PDZD7: variants seen among roughly 807,000 people sequenced by gnomAD.
The protein encoded by PDZD7 is PDZ domain-containing protein 7.
A neutral mutation model predicts 84.7 loss-of-function variants in PDZD7; 72 were observed. The observed-to-expected ratio is 0.85, with a 90% CI of 0.70 to 1.03. The LOEUF (loss-of-function observed/expected upper bound fraction) is 1.03, where lower values mean the gene tolerates loss of function less well. Ranked by LOEUF, PDZD7 falls within the 50% of genes least tolerant of loss-of-function variation. PDZD7 has a pLI of 0.00. For synonymous variants in PDZD7, 594 were observed against 580.7 expected (o/e 1.02, Z -0.33); for missense variants, 1,490 against 1,412.9 (o/e 1.05, Z -0.87).
At chr10:101,020,152 C>A (rs1296141072) in intron 7 of PDZD7, among the ~76,000 whole-genome samples, 1 of 151,806 alleles carries the variant, frequency 6.6e-6, no homozygotes, top group East Asian at 1.9e-4. Context: ...CTCTTATTGC[C>A]CAGGCTGGAG....
rs749028017 is a variant in PDZD7 at position 101,019,106 on chromosome 10, A to G, written c.1040T>C (p.Met347Thr). 4 of 1,557,382 alleles carry G rather than the reference A, an allele frequency of 2.6e-6. No individual in the cohort carries two copies. The South Asian group carries it at 3.5e-5, about 14-fold the overall frequency. The part of the protein sequence containing the change: ...YSSGSLPSDR[M>T]DICLGQEEPG... Reference sequence around the variant, plus strand: ...CTCCTCCTGCCCGAGGCAGATGTCCATGCGGTCCGACGGCAGGGAGCCCGA... The same window carrying G: ...CTCCTCCTGCCCGAGGCAGATGTCCGTGCGGTCCGACGGCAGGGAGCCCGA... Residue 347 changes from methionine to threonine, a missense_variant, in exon 8 of 17, where the codon ATG (methionine) becomes ACG (threonine). Coordinates refer to ENST00000619208, the MANE Select transcript of PDZD7 (RefSeq NM_001195263.2).
At chr10:101,020,158 T>C (rs1846534250) in intron 7 of PDZD7, among the ~76,000 whole-genome samples, 1 of 152,072 alleles carries the variant, frequency 6.6e-6, no homozygotes, top group African/African-American at 2.4e-5. Flanking sequence ...TTGCCCAGGC[T>C]GGAGTGCAAT....
At position 101,015,732 on chromosome 10, in the gene PDZD7, A is replaced by T. The variant is rs773008252; in HGVS notation, c.1653T>A (p.Val551=). The change falls in exon 11 of 17, where the codon GTT becomes GTA. Residue 551 remains valine, a synonymous_variant. Coordinates refer to ENST00000619208, the MANE Select transcript of PDZD7 (RefSeq NM_001195263.2). ...GGGGCCGCCGGCTCTCCCAGGCCTG[A>T]ACCTGCTCATCCACATTAGGCAGCT... ...SSQLPNVDEQ[V]QAWESRRPLI... The T allele has an allele frequency of 1.3e-6, 2 of 1,550,226 alleles. No homozygotes were observed. The highest frequency in any genetic ancestry group is 1.7e-6 in the Non-Finnish European group (2 of 1,146,958).
chr10:101,022,113 G>A (rs2134087173), intron 5 of PDZD7, 96 bp downstream of exon 5: 1 of 1,580,586 alleles, frequency 6.3e-7, no homozygotes, highest in East Asian at 2.3e-5. Flanking sequence ...GGTTGGCCAG[G>A]CCTCACTTGC....
rs148695069 is a variant in PDZD7 at position 101,023,988 on chromosome 10, C to T, written c.307G>A (p.Gly103Arg). Residue 103 changes from glycine to arginine, a missense_variant, in exon 3 of 17, where the codon GGG becomes AGG. Physicochemically the swap from Gly to Arg is moderately radical, Grantham distance 125. Coordinates refer to ENST00000619208, the MANE Select transcript of PDZD7 (RefSeq NM_001195263.2). ...PAGRLGFSVR[G>R]GSEHGLGIFV... is the part of the protein sequence containing the mutation. The stretch of plus-strand genomic sequence containing the variant: ...ATGCCCAGGCCATGCTCTGAGCCCC[C>T]GCGCACGCTGAAGCCCAGCCTCCCT... 1.6e-5 allele frequency: 26 copies of T among 1,614,268 alleles called. No individual in the cohort carries two copies. Among genetic ancestry groups the T allele is most frequent in the African/African-American group, 9.3e-5 (7 of 75,076 alleles).
intron 2 of PDZD7, among the ~76,000 whole-genome samples, chr10:101,024,411 A>G (rs908539651): frequency 2.0e-5 from 3 of 151,898 alleles, no homozygotes; most frequent in Non-Finnish European, 4.4e-5. Context: ...GCCTGGATTA[A>G]TTTTAAATTT....
rs529325023 is a variant in PDZD7 at position 101,029,846 on chromosome 10, T to C, written c.226+148A>G. The C allele has an allele frequency of 7.7e-6, 6 of 781,324 alleles. No homozygotes were observed. In the East Asian group the frequency reaches 1.6e-4, roughly 21 times the overall value. The allele number at this position is 781,324 out of a possible 1,614,324, so 48.4% of individuals were successfully genotyped here. On this transcript the variant is annotated intron_variant, in intron 2 of 16. Transcript: ENST00000619208. ...CCAAGGGCAGGTGAGGAAGAGTGTA[T>C]GGGTTCCCAGGCGGCCTGCCACCTC...
intron 4 of PDZD7, among the ~76,000 whole-genome samples, chr10:101,022,733 C>T (rs1853189518): frequency 1.3e-5 from 2 of 151,920 alleles, no homozygotes; most frequent in Non-Finnish European, 2.9e-5. Context: ...ATGGCTGGGA[C>T]TACAGGTACA....
chr10:101,008,634 G>A lies in PDZD7; in HGVS notation c.2935C>T (p.Pro979Ser), dbSNP rs1261532218. Reference protein sequence around the residue: ...LPADHLPAHQPLDAAPVPAHW... With the variant: ...LPADHLPAHQSLDAAPVPAHW... The stretch of plus-strand genomic sequence containing the variant: ...GCAGGAACTGGAGCAGCATCAAGGG[G>A]TTGGTGGGCAGGCAAGTGGTCAGCA... The change falls in exon 17 of 17, where the codon CCC (proline) becomes TCC (serine). Residue 979 changes from proline to serine, a missense_variant. Transcript: ENST00000619208. 2.0e-6 allele frequency: 3 copies of A among 1,535,786 alleles called. No individual in the cohort carries two copies. Among genetic ancestry groups the A allele is most frequent in the Non-Finnish European group, 2.6e-6 (3 of 1,146,696 alleles).
rs1564628190 is a variant in PDZD7 at position 101,011,737 on chromosome 10, G to T, written c.1958C>A (p.Ala653Asp). The T allele has an allele frequency of 5.2e-6, 8 of 1,546,984 alleles. No homozygotes were observed. In the Admixed American group the frequency reaches 7.8e-5, roughly 15 times the overall value. ...ACGCTTGGGTGGCGTGTCCTGCCGG[G>T]CTGGTCTCAAAGCAGGAGGCCGGAC... ...RAVRPPALRP[A>D]RQDTPPKRHL... The change falls in exon 14 of 17, where the codon GCC (alanine) becomes GAC (aspartate). Residue 653 changes from alanine (A) to aspartate (D), a missense_variant. Physicochemically the swap from Ala to Asp is moderately radical, Grantham distance 126. Transcript: ENST00000619208.
Position 101,015,040 on chromosome 10 carries a change from ACT to A in PDZD7, c.1749+594_1749+595del, listed in dbSNP as rs975413413. 4.6e-5 allele frequency among the ~76,000 whole-genome samples: 7 copies of A among 151,988 alleles called. 1 individual carries two copies. The highest frequency in any genetic ancestry group is 6.6e-5 in the Admixed American group (1 of 15,258). Reference sequence around the variant, plus strand: ...GGCCCCAGAGACTCCTTCAAATCTGACTCTCTCTCCACCCTGGGGCGCTCTGG... The same window carrying A: ...GGCCCCAGAGACTCCTTCAAATCTGACTCTCTCCACCCTGGGGCGCTCTGG... On this transcript the variant is annotated intron_variant, in intron 11 of 16. Coordinates refer to ENST00000619208, the MANE Select transcript of PDZD7 (RefSeq NM_001195263.2).
rs761880026 is a variant in PDZD7, at chr10:101,021,854, G to A, written c.811C>T (p.His271Tyr). ...ANGVRFDDISHSQAVEVLKGQ... is the reference protein window; with the variant it reads ...ANGVRFDDISYSQAVEVLKGQ... ...TTCAGCACCTCCACGGCCTGGCTGT[G>A]GCTGATGTCGTCAAACCTGACACCG... The change falls in exon 6 of 17, where the codon CAC becomes TAC. Residue 271 changes from histidine to tyrosine, a missense_variant. His to Tyr is a moderately conservative substitution (Grantham distance 83). Coordinates refer to ENST00000619208, the MANE Select transcript of PDZD7 (RefSeq NM_001195263.2). The A allele has an allele frequency of 1.9e-5, 31 of 1,614,056 alleles. No homozygotes were observed. The highest frequency in any genetic ancestry group is 2.5e-5 in the Non-Finnish European group (30 of 1,180,050).
chr10:101,024,199 G>C, intron 2 of PDZD7, 131 bp from the exon 3 acceptor site: 1 of 1,223,514 alleles, frequency 8.2e-7, no homozygotes, highest in Non-Finnish European at 1.2e-6. Flanking sequence ...GGGCCTAAAT[G>C]CAGTGGGGCA....
At chr10:101,024,859 G>A (rs1488050975) in intron 2 of PDZD7, among the ~76,000 whole-genome samples, 1 of 147,392 alleles carries the variant, frequency 6.8e-6, no homozygotes, top group Non-Finnish European at 1.5e-5. Flanking sequence ...GTGTGTGTGT[G>A]TGTGTATCAG....
intron 4 of PDZD7, chr10:101,023,060 C>G (rs1430529137): frequency 1.1e-5 from 3 of 279,382 alleles, no homozygotes; most frequent in Non-Finnish European, 2.0e-5. Flanking sequence ...GCTTGAGCCA[C>G]CATGCCCGGC....
At chr10:101,027,400 T>A (rs1937784051) in intron 2 of PDZD7, among the ~76,000 whole-genome samples, 1 of 152,164 alleles carries the variant, frequency 6.6e-6, no homozygotes, top group Non-Finnish European at 1.5e-5. Flanking sequence ...CTCGTTCCCC[T>A]CCTGGCTCAG....
rs913091803 is a variant in PDZD7, at chr10:101,010,386, C to T, written c.2503G>A (p.Ala835Thr). The change falls in exon 15 of 17, where the codon GCC becomes ACC. Residue 835 changes from alanine to threonine, a missense_variant. Transcript: ENST00000619208. ...CCACTCTCCGAGGGCCCTTGCTTGGCCCCCACCTTGGCTGCCTCCCCATCC... is the reference window on the plus strand; with the variant it reads ...CCACTCTCCGAGGGCCCTTGCTTGGTCCCCACCTTGGCTGCCTCCCCATCC... ...PLDGEAAKVG[A>T]KQGPSESGTE... is the part of the protein sequence containing the mutation. 10 of 1,536,188 alleles carry T rather than the reference C, an allele frequency of 6.5e-6. No individual in the cohort carries two copies. The highest frequency in any genetic ancestry group is 8.7e-6 in the Non-Finnish European group (10 of 1,146,930).
rs1324839240 is a variant in PDZD7, at chr10:101,019,122, G to A, written c.1024C>T (p.Leu342=). Residue 342 remains leucine (L), a synonymous_variant, in exon 8 of 17, where the codon CTG becomes TTG. Coordinates refer to ENST00000619208, the MANE Select transcript of PDZD7 (RefSeq NM_001195263.2). ...CAGATGTCCATGCGGTCCGACGGCAGGGAGCCCGAGCTGTAGGGGGCGCTG... is the reference window on the plus strand; with the variant it reads ...CAGATGTCCATGCGGTCCGACGGCAAGGAGCCCGAGCTGTAGGGGGCGCTG... ...ASSAPYSSGS[L]PSDRMDICLG... The A allele has an allele frequency of 1.3e-6, 2 of 1,549,104 alleles. No individual in the cohort carries two copies. The highest frequency in any genetic ancestry group is 1.2e-5 in the South Asian group (1 of 85,092).
intron 4 of PDZD7, among the ~76,000 whole-genome samples, chr10:101,022,755 C>T (rs983829447): frequency 6.6e-6 from 1 of 151,928 alleles, no homozygotes; most frequent in Non-Finnish European, 1.5e-5. Context: ...GCCCACCATG[C>T]CCAGTTTTTT....
Sources: allele counts gnomAD v4.1 joint callset (sites outside exome capture counted in the v4.1 genomes callset), GRCh38; gene constraint gnomAD v4.1.1; transcripts MANE v1.5; gene names NCBI Gene and HGNC (gene_info 2026-07-23, HGNC 2026-07-21).